Variants in USP15 observed in about 807,000 individuals in gnomAD.
The protein encoded by USP15 is ubiquitin carboxyl-terminal hydrolase 15.
Under a neutral mutation model 127.1 loss-of-function variants are expected in USP15, and 18 were observed. The ratio of observed to expected loss-of-function variants is 0.14; its 90% CI spans 0.10 to 0.21. USP15 has a LOEUF of 0.21. Among genes scored for constraint, USP15 ranks in the 10% least tolerant of loss-of-function variants. The probability of loss-of-function intolerance (pLI) is 1.00; values close to 1 mark genes in which losing one functional copy is unlikely to be tolerated. For synonymous variants in USP15, 364 were observed against 393.7 expected, an observed-to-expected ratio of 0.92 and a Z score of 0.89; for missense variants, 805 against 1,159.9, an observed-to-expected ratio of 0.69 and a Z score of 4.44.
At chr12:62,317,282 A>C (rs936937493) in intron 4 of USP15, among the ~76,000 whole-genome samples, 1 of 152,158 alleles carries the variant, frequency 6.6e-6, no homozygotes, top group Non-Finnish European at 1.5e-5. Flanking sequence ...TTGAATATTT[A>C]CTATGTTTTA....
At chr12:62,273,583 T>G (rs548050256) in intron 1 of USP15, among the ~76,000 whole-genome samples, 1 of 152,228 alleles carries the variant, frequency 6.6e-6, no homozygotes, top group Non-Finnish European at 1.5e-5. Flanking sequence ...TACTCAAGTC[T>G]GATTTCAGGA....
chr12:62,376,505 A>G (rs2066832563), intron 8 of USP15, among the ~76,000 whole-genome samples: 1 of 152,166 alleles, frequency 6.6e-6, no homozygotes, highest in South Asian at 2.1e-4. Flanking sequence ...TTCTCCTGAA[A>G]CACTGAAGTT....
intron 8 of USP15, among the ~76,000 whole-genome samples, chr12:62,369,902 A>G (rs1222190794): frequency 6.6e-6 from 1 of 152,210 alleles, no homozygotes; most frequent in African/African-American, 2.4e-5. Flanking sequence ...TATATGTGTC[A>G]TCATGATGAT....
At chr12:62,262,226 C>A (rs751377441) in intron 1 of USP15, among the ~76,000 whole-genome samples, 29 of 151,670 alleles carry the variant, frequency 1.9e-4, no homozygotes, top group Non-Finnish European at 3.5e-4. Flanking sequence ...CAACGTGAGA[C>A]TCCATCTCAA....
chr12:62,350,061 G>GA lies in USP15; in HGVS notation c.770+757dup, dbSNP rs2065922466. Among the ~76,000 whole-genome samples, 3 of 151,590 alleles carry GA rather than the reference G, an allele frequency of 2.0e-5. No individual in the cohort carries two copies. The South Asian group carries it at 6.3e-4, about 32-fold the overall frequency. On this transcript the variant is annotated intron_variant, in intron 7 of 21. Transcript: ENST00000280377. ...TATAGTGCCTTTTATGGATTAGATT[G>GA]AAAGTATTTAGATATTTGCACTAAC...
intron 21 of USP15, 119 bp from the exon 22 acceptor site, chr12:62,404,074 A>T: frequency 8.0e-7 from 1 of 1,249,520 alleles, no homozygotes; most frequent in Non-Finnish European, 1.0e-6. Flanking sequence ...TTGACCATGC[A>T]TGGTTTTTCT....
At chr12:62,386,753 A>C (rs915922929) in intron 11 of USP15, among the ~76,000 whole-genome samples, 5 of 152,106 alleles carry the variant, frequency 3.3e-5, no homozygotes, top group African/African-American at 1.2e-4. Context: ...ATTAAAGACT[A>C]TTAAGTATAG....
At chr12:62,356,509 A>G (rs1012960979) in intron 8 of USP15, among the ~76,000 whole-genome samples, 1 of 151,966 alleles carries the variant, frequency 6.6e-6, no homozygotes, top group African/African-American at 2.4e-5. Flanking sequence ...GTCATACACT[A>G]TAGGCCAGGA....
chr12:62,306,568 T>C (rs1224596628), intron 3 of USP15, among the ~76,000 whole-genome samples: 4 of 152,154 alleles, frequency 2.6e-5, no homozygotes, highest in African/African-American at 9.6e-5. Flanking sequence ...AAAGATAGTA[T>C]TTAATGAAAT....
intron 3 of USP15, 102 bp from the exon 4 acceptor site, chr12:62,314,688 A>G (rs1054530963): frequency 1.8e-6 from 2 of 1,126,758 alleles, no homozygotes; most frequent in Non-Finnish European, 2.3e-6. Context: ...CTGGTTTTTC[A>G]CTGGAGATCT....
At chr12:62,327,033 T>C (rs1592594602) in intron 6 of USP15, among the ~76,000 whole-genome samples, 1 of 152,002 alleles carries the variant, frequency 6.6e-6, no homozygotes, top group South Asian at 2.1e-4. Flanking sequence ...GGGAGGCTGA[T>C]GCATGAGAAT....
intron 8 of USP15, among the ~76,000 whole-genome samples, chr12:62,368,256 A>G (rs2066544480): frequency 6.6e-6 from 1 of 152,136 alleles, no homozygotes; most frequent in Non-Finnish European, 1.5e-5. Context: ...GAATAAGTAC[A>G]GTGAGGTGCC....
rs906614236 is a variant in USP15 at position 62,404,847 on chromosome 12, G to A, written c.*472G>A. 6.6e-6 allele frequency: 1 copy of A among 152,234 alleles called. No homozygotes were observed. The highest frequency in any genetic ancestry group is 1.5e-5 in the Non-Finnish European group (1 of 67,968). The allele number at this position is 152,234 out of a possible 1,614,324, so 9.4% of individuals were successfully genotyped here. A position where few individuals can be genotyped will look rare whatever the true frequency, so the allele number is the denominator to read the frequency against. On this transcript the variant is annotated 3_prime_UTR_variant, in exon 22 of 22. Coordinates refer to ENST00000280377, the MANE Select transcript of USP15 (RefSeq NM_001252078.2). ...GATATTTAGCTGCAGTATCAATGTG[G>A]CATAAATACTGCGGCAGCATTCTTC... is the stretch of plus-strand genomic sequence containing the variant.
rs2067819284 is a variant in USP15 at position 62,404,927 on chromosome 12, C to A, written c.*552C>A. Reference sequence around the variant, plus strand: ...AATCAATGTGGGCCTATTAAAAAACCAAATCATGATACAAGAAACAACCTT... The same window carrying A: ...AATCAATGTGGGCCTATTAAAAAACAAAATCATGATACAAGAAACAACCTT... On this transcript the variant is annotated 3_prime_UTR_variant, in exon 22 of 22. Coordinates refer to ENST00000280377, the MANE Select transcript of USP15 (RefSeq NM_001252078.2). 6.6e-6 allele frequency: 1 copy of A among 151,944 alleles called. No homozygotes were observed. The highest frequency in any genetic ancestry group is 1.5e-5 in the Non-Finnish European group (1 of 67,948). 9.4% of individuals were successfully genotyped at this position (151,944 alleles called of 1,614,324 possible).
rs1030892700 is a variant in USP15, at chr12:62,415,185, T to C, written c.*10810T>C. On this transcript the variant is annotated 3_prime_UTR_variant, in exon 22 of 22. Coordinates refer to ENST00000280377, the MANE Select transcript of USP15 (RefSeq NM_001252078.2). ...ATGATAAAAGTTCCAGTCCACAAGC[T>C]ACCTGGCTAAAGACCCAGGAAGACT... 2 of 152,148 alleles carry C rather than the reference T, an allele frequency of 1.3e-5. No homozygotes were observed. The highest frequency in any genetic ancestry group is 4.8e-5 in the African/African-American group (2 of 41,432). 9.4% of individuals were successfully genotyped at this position (152,148 alleles called of 1,614,324 possible).
rs879713814 is a variant in USP15, at chr12:62,406,267, G to A, written c.*1892G>A. 1.4e-4 allele frequency: 22 copies of A among 151,978 alleles called. No homozygotes were observed. The highest frequency in any genetic ancestry group is 3.1e-4 in the Non-Finnish European group (21 of 67,986). The allele number at this position is 151,978 out of a possible 1,614,324, so 9.4% of individuals were successfully genotyped here. A position where few individuals can be genotyped will look rare whatever the true frequency, so the allele number is the denominator to read the frequency against. ...CAAAATGAATCCTACTATTAAGGAC[G>A]TTTTAAAGTTGATTTTTGTCCACTT... On this transcript the variant is annotated 3_prime_UTR_variant, in exon 22 of 22. Coordinates refer to ENST00000280377, the MANE Select transcript of USP15 (RefSeq NM_001252078.2).
chr12:62,335,559 T>C, intron 6 of USP15: 1 of 1,049,450 alleles, frequency 9.5e-7, no homozygotes, highest in Non-Finnish European at 1.1e-6. Flanking sequence ...CATATATAAA[T>C]GCCTAGCATA....
At chr12:62,351,396 T>G (rs1565879034) in intron 7 of USP15, among the ~76,000 whole-genome samples, 2 of 151,074 alleles carry the variant, frequency 1.3e-5, no homozygotes, top group Non-Finnish European at 3.0e-5. Flanking sequence ...AAAATATTAC[T>G]TATGATTTAC....
At chr12:62,344,304 T>A (rs2065742193) in intron 6 of USP15, among the ~76,000 whole-genome samples, 3 of 152,190 alleles carry the variant, frequency 2.0e-5, no homozygotes, top group Admixed American at 2.0e-4. Flanking sequence ...AAAGGGTCTA[T>A]AGGCCCAGTG....
Sources: gnomAD v4.1 joint callset for allele counts (sites outside exome capture counted in the v4.1 genomes callset) on GRCh38, gnomAD v4.1.1 for gene constraint, MANE v1.5 for transcripts, NCBI Gene and HGNC (gene_info 2026-07-23, HGNC 2026-07-21) for gene names.